The following TBC1D9 variants were observed in gnomAD, a reference collection of about 807,000 sequenced individuals.
TBC1D9 encodes TBC1 domain family member 9A.
TBC1D9 carries 63 observed loss-of-function variants against 132.0 expected under a neutral mutation model. The observed-to-expected ratio is 0.48, with a 90% CI of 0.39 to 0.59. The LOEUF is 0.59. TBC1D9 is among the 20% of genes least tolerant of loss of function. The pLI is 0.00. For missense variants in TBC1D9, 1,261 were observed against 1,592.7 expected, an observed-to-expected ratio of 0.79 and a Z score of 3.54; for synonymous variants, 610 against 609.9, an observed-to-expected ratio of 1.00 and a Z score of 0.00.
At chr4:140,694,507 G>A (rs1161925415) in intron 2 of TBC1D9, among the ~76,000 whole-genome samples, 5 of 150,842 alleles carry the variant, frequency 3.3e-5, no homozygotes, top group Non-Finnish European at 7.4e-5. Context: ...GGAGTTAGAG[G>A]TTGCAGTAGG....
At chr4:140,675,987 C>T (rs1244546336) in intron 6 of TBC1D9, among the ~76,000 whole-genome samples, 1 of 152,194 alleles carries the variant, frequency 6.6e-6, no homozygotes, top group East Asian at 1.9e-4. Context: ...CAAAGCAAAT[C>T]AACCAATCTG....
At chr4:140,733,690 T>C (rs895409418) in intron 1 of TBC1D9, among the ~76,000 whole-genome samples, 1 of 152,210 alleles carries the variant, frequency 6.6e-6, no homozygotes, top group Non-Finnish European at 1.5e-5. Flanking sequence ...CTTCACAGGG[T>C]ATATGGAATC....
At chr4:140,699,307 C>A (rs1257647263) in intron 2 of TBC1D9, among the ~76,000 whole-genome samples, 1 of 152,130 alleles carries the variant, frequency 6.6e-6, no homozygotes, top group Non-Finnish European at 1.5e-5. Context: ...AGAAAAATCC[C>A]TACTCCTTAA....
intron 1 of TBC1D9, among the ~76,000 whole-genome samples, chr4:140,747,611 C>A (rs1560903651): frequency 6.6e-6 from 1 of 152,118 alleles, no homozygotes; most frequent in African/African-American, 2.4e-5. Context: ...GAAAAAAAGA[C>A]AGGCTCCAAG....
rs1182303754 is a variant in TBC1D9, at chr4:140,622,699, T to C, written c.3297A>G (p.Lys1099=). The C allele has an allele frequency of 1.9e-6, 3 of 1,611,654 alleles. No individual in the cohort carries two copies. Among genetic ancestry groups the C allele is most frequent in the African/African-American group, 2.7e-5 (2 of 74,926 alleles). The change falls in exon 21 of 21, where the codon AAA becomes AAG. Residue 1099 remains lysine, a synonymous_variant. Transcript: ENST00000442267. Reference sequence around the variant, plus strand: ...CCACCACGTAAGGCTGGCCTGGCCCTTTCTTGGGGAAGAGCACGCCTGGGA... The same window carrying C: ...CCACCACGTAAGGCTGGCCTGGCCCCTTCTTGGGGAAGAGCACGCCTGGGA... The part of the protein sequence containing the change: ...QGIPGVLFPK[K]GPGQPYVVES...
chr4:140,728,274 C>T (rs1738530370), intron 1 of TBC1D9, among the ~76,000 whole-genome samples: 1 of 152,048 alleles, frequency 6.6e-6, no homozygotes, highest in South Asian at 2.1e-4. Context: ...TGCAGACATT[C>T]TTTTGATACC....
intron 9 of TBC1D9, among the ~76,000 whole-genome samples, chr4:140,666,490 C>T (rs1346893600): frequency 2.0e-5 from 3 of 152,178 alleles, no homozygotes; most frequent in Admixed American, 6.5e-5. Flanking sequence ...CGCCCGCCAC[C>T]GCGCCCATCT....
At chr4:140,686,742 A>G (rs1737788102) in intron 2 of TBC1D9, among the ~76,000 whole-genome samples, 1 of 152,090 alleles carries the variant, frequency 6.6e-6, no homozygotes, top group Non-Finnish European at 1.5e-5. Context: ...AGGCAGCAAT[A>G]TTTCTCAAAT....
intron 1 of TBC1D9, among the ~76,000 whole-genome samples, chr4:140,720,921 G>A (rs1395469811): frequency 6.6e-6 from 1 of 152,200 alleles, no homozygotes; most frequent in Non-Finnish European, 1.5e-5. Flanking sequence ...GCCCAGACAG[G>A]AGCCACAGTG....
chr4:140,639,840 C>CA (rs1736951421), intron 13 of TBC1D9, among the ~76,000 whole-genome samples: 1 of 152,212 alleles, frequency 6.6e-6, no homozygotes, highest in African/African-American at 2.4e-5. Context: ...CCAGTAGGTT[C>CA]AAGAGCATTT....
At chr4:140,754,420 C>G (rs1738971851) in intron 1 of TBC1D9, among the ~76,000 whole-genome samples, 1 of 151,886 alleles carries the variant, frequency 6.6e-6, no homozygotes, top group Non-Finnish European at 1.5e-5. Context: ...TCAAGACCAG[C>G]CTGGCCAACA....
chr4:140,634,158 C>A lies in TBC1D9; in HGVS notation c.2536G>T (p.Gly846Trp), dbSNP rs753536091. The change falls in exon 16 of 21, where the codon GGG (glycine) becomes TGG (tryptophan). Residue 846 changes from glycine to tryptophan, a missense_variant. Physicochemically the swap from Gly to Trp is radical, Grantham distance 184. Around this residue, in one of 3 missense-constraint regions of TBC1D9, gnomAD observed 618 missense variants for 724.4 expected, o/e 0.85. Transcript: ENST00000442267. ...AEHLTSCYWG[G>W]SSNALDRHDP... ...TGCCGGTCCAGCGCGTTGCTGCTCCCGCCCCAGTAGCAGCTGGTGAGATGT... is the reference window on the plus strand; with the variant it reads ...TGCCGGTCCAGCGCGTTGCTGCTCCAGCCCCAGTAGCAGCTGGTGAGATGT... 3 of 1,613,636 alleles carry A rather than the reference C, an allele frequency of 1.9e-6. No homozygotes were observed. The highest frequency in any genetic ancestry group is 2.5e-6 in the Non-Finnish European group (3 of 1,179,890).
chr4:140,707,893 C>A (rs1738172654), intron 1 of TBC1D9, among the ~76,000 whole-genome samples: 1 of 151,988 alleles, frequency 6.6e-6, no homozygotes, highest in South Asian at 2.1e-4. Context: ...AATCTCCTGG[C>A]AATTAACTGT....
chr4:140,674,679 A>AT (rs1482690471), intron 6 of TBC1D9, among the ~76,000 whole-genome samples: 83 of 146,350 alleles, frequency 5.7e-4, no homozygotes, highest in African/African-American at 2.1e-3. Context: ...GTAGAAGAAT[A>AT]TATATATATA....
chr4:140,629,029 G>C (rs1056677901), intron 16 of TBC1D9, among the ~76,000 whole-genome samples: 1 of 152,174 alleles, frequency 6.6e-6, no homozygotes, highest in Non-Finnish European at 1.5e-5. Flanking sequence ...AGATAAATGA[G>C]ATTTGGAAAA....
intron 1 of TBC1D9, among the ~76,000 whole-genome samples, chr4:140,743,509 C>T (rs1177442408): frequency 2.6e-5 from 4 of 152,150 alleles, no homozygotes; most frequent in African/African-American, 7.2e-5. Context: ...TGTCTGCTTA[C>T]TAAGTGAAGG....
intron 13 of TBC1D9, chr4:140,644,999 C>T (rs983225036): frequency 2.4e-5 from 11 of 465,270 alleles, no homozygotes; most frequent in Non-Finnish European, 3.9e-5. Flanking sequence ...ACATGCTGCC[C>T]GAGCGGGACA....
At chr4:140,649,808 G>A (rs1181217675) in intron 13 of TBC1D9, among the ~76,000 whole-genome samples, 1 of 152,200 alleles carries the variant, frequency 6.6e-6, no homozygotes, top group Non-Finnish European at 1.5e-5. Context: ...CTCTGGTGGA[G>A]TCCCATGTTC....
At position 140,622,841 on chromosome 4, in the gene TBC1D9, G is replaced by A. The variant is rs1320400296; in HGVS notation, c.3155C>T (p.Ala1052Val). The change falls in exon 21 of 21, where the codon GCC (alanine) becomes GTC (valine). Residue 1052 changes from alanine to valine, a missense_variant. Physicochemically the swap from Ala to Val is moderately conservative, Grantham distance 64. Coordinates refer to ENST00000442267, the MANE Select transcript of TBC1D9 (RefSeq NM_015130.3). The stretch of plus-strand genomic sequence containing the variant: ...CAGGAGGCTGGTCACTGCTGCCGTG[G>A]CGTGGTACAGCTCCTGCTCATTGGG... Reference protein sequence around the residue: ...EDPNEQELYHATAAVTSLLLE... With the variant: ...EDPNEQELYHVTAAVTSLLLE... 4 of 1,596,344 alleles carry A rather than the reference G, an allele frequency of 2.5e-6. No individual in the cohort carries two copies. In the African/African-American group the frequency reaches 4.0e-5, roughly 16 times the overall value.
Sources: allele counts gnomAD v4.1 joint callset (sites outside exome capture counted in the v4.1 genomes callset), GRCh38; gene constraint gnomAD v4.1.1; regional missense constraint gnomAD v4.1.1; transcripts MANE v1.5; gene names NCBI Gene and HGNC (gene_info 2026-07-23, HGNC 2026-07-21).